Variants in ATP9B observed in about 807,000 individuals in gnomAD.
ATP9B encodes probable phospholipid-transporting ATPase IIB.
A neutral mutation model predicts 146.1 loss-of-function variants in ATP9B; 110 were observed. The ratio of observed to expected loss-of-function variants is 0.75; its 90% CI spans 0.65 to 0.88. ATP9B has a LOEUF of 0.88. Ranked by LOEUF, ATP9B falls within the 40% of genes least tolerant of loss-of-function variation. The pLI is 0.00. For synonymous variants in ATP9B, 604 were observed against 569.7 expected (o/e 1.06, Z -0.86); for missense variants, 1,499 against 1,496.4 (o/e 1.00, Z -0.03).
chr18:79,213,434 A>C (rs994349463), intron 10 of ATP9B, among the ~76,000 whole-genome samples: 1 of 152,136 alleles, frequency 6.6e-6, no homozygotes, highest in African/African-American at 2.4e-5. Flanking sequence ...ATGCAAAGTC[A>C]AATACCGTTT....
intron 13 of ATP9B, among the ~76,000 whole-genome samples, chr18:79,277,656 T>C (rs1267046778): frequency 1.3e-5 from 2 of 152,214 alleles, no homozygotes; most frequent in Non-Finnish European, 2.9e-5. Flanking sequence ...TTTATCCCAC[T>C]CTAAAGCTCT....
chr18:79,367,026 G>T (rs541535304), intron 26 of ATP9B, among the ~76,000 whole-genome samples: 1 of 150,520 alleles, frequency 6.6e-6, no homozygotes, highest in Non-Finnish European at 1.5e-5. Context: ...CCGTGTGTAC[G>T]CAGAGAAAGT....
chr18:79,096,707 C>G, intron 2 of ATP9B, 58 bp downstream of exon 2: 2 of 1,365,178 alleles, frequency 1.5e-6, no homozygotes, highest in Non-Finnish European at 2.0e-6. Context: ...ATAAGGTTAG[C>G]TTCTAATATA....
At chr18:79,108,903 A>G (rs2075825713) in intron 2 of ATP9B, among the ~76,000 whole-genome samples, 1 of 152,226 alleles carries the variant, frequency 6.6e-6, no homozygotes, top group Non-Finnish European at 1.5e-5. Context: ...AAATTCATAA[A>G]TTCAAATACT....
chr18:79,263,957 T>C lies in ATP9B; in HGVS notation c.1268+10416T>C, dbSNP rs376625665. 2.9e-3 allele frequency among the ~76,000 whole-genome samples: 444 copies of C among 152,156 alleles called. 1 individual carries two copies. Among genetic ancestry groups the C allele is most frequent in the African/African-American group, 1.0e-2 (415 of 41,504 alleles). On this transcript the variant is annotated intron_variant, in intron 12 of 29. Transcript: ENST00000426216. ...AAAATTAGCCGGGCGTGGTAGCGGGTGCCTGTAGTCCCAGCTGCTCGGGAG... is the reference window on the plus strand; with the variant it reads ...AAAATTAGCCGGGCGTGGTAGCGGGCGCCTGTAGTCCCAGCTGCTCGGGAG...
At chr18:79,243,963 A>G (rs2095914353) in intron 11 of ATP9B, among the ~76,000 whole-genome samples, 1 of 152,182 alleles carries the variant, frequency 6.6e-6, no homozygotes, top group African/African-American at 2.4e-5. Flanking sequence ...TTCTCACTTT[A>G]CTGTAGAAAC....
rs1285062723 is a variant in ATP9B, at chr18:79,110,280, A to G, written c.294-75A>G. ...TACAGAAACAATCAATATTGACTCT[A>G]AATATGTACAATTAGTTTGAACTTT... On this transcript the variant is annotated intron_variant, in intron 2 of 29. Coordinates refer to ENST00000426216, the MANE Select transcript of ATP9B (RefSeq NM_198531.5). The G allele has an allele frequency of 8.0e-6, 11 of 1,379,632 alleles. No individual in the cohort carries two copies. In the South Asian group the frequency reaches 9.4e-5, roughly 12 times the overall value. The allele number at this position is 1,379,632 out of a possible 1,614,324, so 85.5% of individuals were successfully genotyped here. A position where few individuals can be genotyped will look rare whatever the true frequency, so the allele number is the denominator to read the frequency against.
intron 26 of ATP9B, chr18:79,362,599 C>T (rs2096996679): frequency 6.6e-6 from 1 of 152,244 alleles, no homozygotes; most frequent in Non-Finnish European, 1.5e-5. Context: ...TCATCTCTCT[C>T]CTAACTCTGC....
chr18:79,111,180 G>T (rs1370360978), intron 3 of ATP9B, among the ~76,000 whole-genome samples: 2 of 152,010 alleles, frequency 1.3e-5, no homozygotes, highest in Middle Eastern at 3.2e-3. Context: ...TTTGTGTTTT[G>T]TATGTCATTC....
At position 79,118,385 on chromosome 18, in the gene ATP9B, TTTTTG is replaced by T. The variant is rs1276193679; in HGVS notation, c.558+5036_558+5040del. Among the ~76,000 whole-genome samples, 57 of 107,788 alleles carry T rather than the reference TTTTTG, an allele frequency of 5.3e-4. 1 individual carries two copies. Among genetic ancestry groups the T allele is most frequent in the Admixed American group, 4.2e-3 (47 of 11,076 alleles). The allele number at this position is 107,788 out of a possible 152,430, so 70.7% of individuals were successfully genotyped here. A position where few individuals can be genotyped will look rare whatever the true frequency, so the allele number is the denominator to read the frequency against. ...TTTTAAAACACAATCATATTGAACG[TTTTTG>T]TTTTTTTTTTTTTTTTTTTTTTTTT... On this transcript the variant is annotated intron_variant, in intron 4 of 29. Coordinates refer to ENST00000426216, the MANE Select transcript of ATP9B (RefSeq NM_198531.5).
chr18:79,131,544 G>A (rs954302528), intron 5 of ATP9B, among the ~76,000 whole-genome samples: 1 of 152,210 alleles, frequency 6.6e-6, no homozygotes, highest in African/African-American at 2.4e-5. Context: ...AGGATCTGGA[G>A]AAATTAGAAT....
intron 7 of ATP9B, among the ~76,000 whole-genome samples, chr18:79,156,023 A>G (rs552810231): frequency 1.3e-5 from 2 of 152,122 alleles, no homozygotes; most frequent in East Asian, 1.9e-4. Flanking sequence ...CGGCCTCCCA[A>G]AGTGCTGGGA....
rs568770477 is a variant in ATP9B at position 79,262,398 on chromosome 18, CAA to C, written c.1268+8859_1268+8860del. Among the ~76,000 whole-genome samples the C allele has an allele frequency of 4.5e-3, 680 of 152,072 alleles. 1 individual carries two copies. The highest frequency in any genetic ancestry group is 0.011 in the Admixed American group (167 of 15,260). ...AAGTTTATATAAAGTTGAAATAAAA[CAA>C]AGTTTTATTTTATATATACAAACCT... On this transcript the variant is annotated intron_variant, in intron 12 of 29. Coordinates refer to ENST00000426216, the MANE Select transcript of ATP9B (RefSeq NM_198531.5).
intron 11 of ATP9B, 135 bp downstream of exon 11, chr18:79,214,173 T>G (rs2095607610): frequency 4.0e-6 from 2 of 498,726 alleles, no homozygotes; most frequent in Non-Finnish European, 6.7e-6. Context: ...TGTTGGTGAC[T>G]TACAATATGA....
Position 79,340,390 on chromosome 18 carries a change from G to A in ATP9B, c.2284-1878G>A, listed in dbSNP as rs560114761. On this transcript the variant is annotated intron_variant, in intron 19 of 29. Coordinates refer to ENST00000426216, the MANE Select transcript of ATP9B (RefSeq NM_198531.5). Reference sequence around the variant, plus strand: ...TTTCCTGAATCCCACTCAGGTTGCCGCAGTGCTAGTTCTTCTTCAACTTTG... The same window carrying A: ...TTTCCTGAATCCCACTCAGGTTGCCACAGTGCTAGTTCTTCTTCAACTTTG... 13 of 152,246 alleles carry A rather than the reference G, an allele frequency of 8.5e-5. No homozygotes were observed. In the South Asian group the frequency reaches 1.9e-3, roughly 22 times the overall value. The allele number at this position is 152,246 out of a possible 1,614,324, so 9.4% of individuals were successfully genotyped here.
At chr18:79,280,329 A>G (rs552462961) in intron 13 of ATP9B, among the ~76,000 whole-genome samples, 1 of 152,314 alleles carries the variant, frequency 6.6e-6, no homozygotes, top group South Asian at 2.1e-4. Context: ...TAAATAAAAG[A>G]AACATTAAAA....
intron 13 of ATP9B, among the ~76,000 whole-genome samples, chr18:79,297,314 A>T (rs1424132624): frequency 1.3e-5 from 2 of 150,994 alleles, no homozygotes; most frequent in Admixed American, 6.6e-5. Context: ...GAGAGGAGAA[A>T]GAGAGATGAC....
intron 13 of ATP9B, among the ~76,000 whole-genome samples, chr18:79,285,061 AAT>A (rs1410286929): frequency 1.3e-4 from 20 of 151,794 alleles, no homozygotes; most frequent in Non-Finnish European, 2.9e-4. Context: ...TGCTATTGTG[AAT>A]AATGCCGCAA....
chr18:79,092,928 A>G (rs1204131783), intron 1 of ATP9B, among the ~76,000 whole-genome samples: 2 of 152,236 alleles, frequency 1.3e-5, no homozygotes, highest in African/African-American at 4.8e-5. Flanking sequence ...ATAAACCAAT[A>G]GCATAGTCAT....
Sources: gnomAD v4.1 joint callset for allele counts (sites outside exome capture counted in the v4.1 genomes callset) on GRCh38, gnomAD v4.1.1 for gene constraint, MANE v1.5 for transcripts, NCBI Gene and HGNC (gene_info 2026-07-23, HGNC 2026-07-21) for gene names.